Variants in KAT6B observed in about 807,000 individuals in gnomAD.
KAT6B encodes lysine acetyltransferase 6B, also known as histone acetyltransferase KAT6B.
A neutral mutation model predicts 187.5 loss-of-function variants in KAT6B; 10 were observed. The observed-to-expected ratio is 0.05, with a 90% CI of 0.03 to 0.09. The LOEUF (loss-of-function observed/expected upper bound fraction) is 0.09, where lower values mean the gene tolerates loss of function less well. Ranked by LOEUF, KAT6B falls within the 10% of genes least tolerant of loss-of-function variation. The pLI is 1.00. For missense variants in KAT6B, 1,952 were observed against 2,558.9 expected, an observed-to-expected ratio of 0.76 and a Z score of 5.12; for synonymous variants, 861 against 926.8, an observed-to-expected ratio of 0.93 and a Z score of 1.29.
rs1184962228 is a variant in KAT6B at position 75,029,267 on chromosome 10, G to A, written c.4443G>A (p.Leu1481=). The A allele has an allele frequency of 6.2e-7, 1 of 1,614,030 alleles. No homozygotes were observed. Among genetic ancestry groups the A allele is most frequent in the Admixed American group, 1.7e-5 (1 of 60,002 alleles). The part of the protein sequence containing the change: ...PEVLMDCGVD[L]TASCNSEPKE... ...TCTTAATGGACTGTGGCGTCGACCT[G>A]ACAGCTTCTTGTAACAGTGAGCCCA... The change falls in exon 18 of 18, where the codon CTG becomes CTA. Residue 1481 remains leucine (L), a synonymous_variant. Coordinates refer to ENST00000287239, the MANE Select transcript of KAT6B (RefSeq NM_012330.4). This position sits in a 1 kb window ranked among gnomAD's most constrained non-coding sequence, Gnocchi z 6.2.
At chr10:74,995,925 G>A (rs568037885) in intron 13 of KAT6B, among the ~76,000 whole-genome samples, 2 of 152,334 alleles carry the variant, frequency 1.3e-5, no homozygotes, top group East Asian at 3.9e-4. Flanking sequence ...CGGGCCTGCA[G>A]AGCCAGAACC....
chr10:74,996,503 G>T (rs1186995540), intron 13 of KAT6B, among the ~76,000 whole-genome samples: 2 of 151,692 alleles, frequency 1.3e-5, no homozygotes, highest in African/African-American at 4.8e-5. Context: ...GGGTGCGGTG[G>T]CTCACGCCTG....
At chr10:74,962,803 G>A (rs1478139315) in intron 4 of KAT6B, among the ~76,000 whole-genome samples, 1 of 151,714 alleles carries the variant, frequency 6.6e-6, no homozygotes, top group African/African-American at 2.4e-5. Context: ...TTTTTAAAGG[G>A]GCTCGATGCT....
At chr10:74,826,900 T>C (rs1840284668) in intron 1 of KAT6B, 115 bp downstream of exon 1, 1 of 148,704 alleles carries the variant, frequency 6.7e-6, no homozygotes, top group South Asian at 2.2e-4. Context: ...TGCGCGAGGG[T>C]CACCGCGGGG....
At chr10:74,913,144 A>T (rs770480585) in intron 3 of KAT6B, among the ~76,000 whole-genome samples, 3 of 152,216 alleles carry the variant, frequency 2.0e-5, no homozygotes, top group Non-Finnish European at 4.4e-5. Context: ...ATTTTGTATG[A>T]CAGGTAAGTC....
intron 13 of KAT6B, among the ~76,000 whole-genome samples, chr10:74,993,834 A>G (rs1843259449): frequency 6.6e-6 from 1 of 152,058 alleles, no homozygotes; most frequent in Non-Finnish European, 1.5e-5. Context: ...TAGGCTGTAC[A>G]TTTTTTGGCA....
Position 75,021,126 on chromosome 10 carries a change from A to T in KAT6B, c.2862A>T (p.Arg954Ser). Residue 954 changes from arginine to serine, a missense_variant and splice_region_variant, in exon 15 of 18, where the codon AGA becomes AGT. Physicochemically the swap from Arg to Ser is moderately radical, Grantham distance 110. Transcript: ENST00000287239. The stretch of plus-strand genomic sequence containing the variant: ...CTTGTTCTGCCTTATCACATTACAG[A>T]TTTGTCATCATTAGACGGGAAAAGT... ...HLHMIDKRDGRFVIIRREKLI... is the reference protein window; with the variant it reads ...HLHMIDKRDGSFVIIRREKLI... 6.2e-7 allele frequency: 1 copy of T among 1,613,868 alleles called. No individual in the cohort carries two copies. Among genetic ancestry groups the T allele is most frequent in the Non-Finnish European group, 8.5e-7 (1 of 1,179,780 alleles).
intron 2 of KAT6B, among the ~76,000 whole-genome samples, 199 bp downstream of exon 2, chr10:74,838,951 G>C (rs896773905): frequency 6.6e-6 from 1 of 152,114 alleles, no homozygotes. Flanking sequence ...TCAGGAGTTT[G>C]AGTCCAGCCT....
intron 3 of KAT6B, among the ~76,000 whole-genome samples, chr10:74,943,407 G>A (rs1466728361): frequency 1.3e-5 from 2 of 152,190 alleles, no homozygotes; most frequent in Admixed American, 1.3e-4. Flanking sequence ...GATTTATAGA[G>A]TCAAAACAAG....
At chr10:74,845,923 G>C (rs1842068507) in intron 3 of KAT6B, among the ~76,000 whole-genome samples, 1 of 150,886 alleles carries the variant, frequency 6.6e-6, no homozygotes, top group Non-Finnish European at 1.5e-5. Flanking sequence ...GAGTGCAGTG[G>C]TGTCACCTCG....
intron 3 of KAT6B, among the ~76,000 whole-genome samples, chr10:74,866,794 ACTTT>A (rs1843585337): frequency 6.6e-6 from 1 of 152,198 alleles, no homozygotes; most frequent in South Asian, 2.1e-4. Context: ...CCAAAATGAG[ACTTT>A]CTTCTTGACT....
rs1198392783 is a variant in KAT6B, at chr10:74,912,385, A to ATAGG, written c.622-47582_622-47581insGTAG. 1.8e-3 allele frequency among the ~76,000 whole-genome samples: 271 copies of ATAGG among 151,798 alleles called. 1 individual carries two copies. Among genetic ancestry groups the ATAGG allele is most frequent in the African/African-American group, 6.2e-3 (258 of 41,326 alleles). ...ATTAAATGGATGGATGGATAGATAG[A>ATAGG]TAGATAGATAGATAGATAGATAGAT... On this transcript the variant is annotated intron_variant, in intron 3 of 17. Transcript: ENST00000287239.
At chr10:75,017,423 G>A (rs1265497765) in intron 13 of KAT6B, among the ~76,000 whole-genome samples, 1 of 152,136 alleles carries the variant, frequency 6.6e-6, no homozygotes, top group East Asian at 1.9e-4. Context: ...AGACCAGCCT[G>A]GGCAAAATGG....
chr10:74,886,360 C>T (rs955777372), intron 3 of KAT6B, among the ~76,000 whole-genome samples: 1 of 152,156 alleles, frequency 6.6e-6, no homozygotes, highest in Non-Finnish European at 1.5e-5. Context: ...AAGCTGGAGG[C>T]AGGGACACCT....
At chr10:74,916,697 A>G (rs189809629) in intron 3 of KAT6B, among the ~76,000 whole-genome samples, 89 of 152,370 alleles carry the variant, frequency 5.8e-4, no homozygotes, top group Non-Finnish European at 1.1e-3. Context: ...TGATGGGTGC[A>G]TACATAAATT....
At chr10:74,978,465 G>A (rs1353371809) in intron 9 of KAT6B, among the ~76,000 whole-genome samples, 1 of 152,150 alleles carries the variant, frequency 6.6e-6, no homozygotes. Context: ...AAGATTCGAA[G>A]TCCTTAAATA....
In KAT6B at chr10:75,021,954, G is replaced by A; in HGVS notation, c.3095G>A (p.Ser1032Asn). The change falls in exon 16 of 18, where the codon AGT becomes AAT. Residue 1032 changes from serine to asparagine, a missense_variant. By Grantham distance (46) the Ser-to-Asn change is conservative. Transcript: ENST00000287239. ...GAAATCCTGTCAACTAGAGCTAACA[G>A]TAGGCAATCACCTGCAAAAGTACAA... ...EQEILSTRAN[S>N]RQSPAKVQSK... 6.2e-7 allele frequency: 1 copy of A among 1,614,206 alleles called. No homozygotes were observed. Among genetic ancestry groups the A allele is most frequent in the East Asian group, 2.2e-5 (1 of 44,896 alleles).
intron 13 of KAT6B, among the ~76,000 whole-genome samples, chr10:75,016,712 G>A (rs779664722): frequency 1.3e-5 from 2 of 152,204 alleles, no homozygotes; most frequent in Non-Finnish European, 2.9e-5. Flanking sequence ...AAACAGCCAG[G>A]TTTCTCCAGG....
At chr10:74,951,978 A>T (rs538839402) in intron 3 of KAT6B, among the ~76,000 whole-genome samples, 1 of 152,332 alleles carries the variant, frequency 6.6e-6, no homozygotes, top group South Asian at 2.1e-4. Flanking sequence ...ATCATGATGG[A>T]ACTTATGGTT....
Sources: allele counts gnomAD v4.1 joint callset (sites outside exome capture counted in the v4.1 genomes callset), GRCh38; gene constraint gnomAD v4.1.1; non-coding constraint Gnocchi (gnomAD v3.1); transcripts MANE v1.5; gene names NCBI Gene and HGNC (gene_info 2026-07-23, HGNC 2026-07-21).